Variants in TRIM41 observed in about 807,000 individuals in gnomAD.
TRIM41 encodes the protein tripartite motif containing 41, also known as E3 ubiquitin-protein ligase TRIM41.
TRIM41 carries 21 observed loss-of-function variants against 60.6 expected under a neutral mutation model. The observed-to-expected ratio is 0.35, with a 90% CI of 0.25 to 0.50. The LOEUF is 0.50. Ranked by LOEUF, TRIM41 falls within the 20% of genes least tolerant of loss-of-function variation. TRIM41 has a pLI of 0.98. For missense variants in TRIM41, 846 were observed against 868.3 expected, an observed-to-expected ratio of 0.97 and a Z score of 0.32; for synonymous variants, 407 against 344.9, an observed-to-expected ratio of 1.18 and a Z score of -2.00.
At position 181,224,116 on chromosome 5, in the gene TRIM41, C is replaced by T; in HGVS notation, c.117C>T (p.Phe39=). 5 of 1,614,250 alleles carry T rather than the reference C, an allele frequency of 3.1e-6. No homozygotes were observed. Among genetic ancestry groups the T allele is most frequent in the Non-Finnish European group, 4.2e-6 (5 of 1,180,042 alleles). Residue 39 remains phenylalanine, a synonymous_variant, in exon 1 of 6, where the codon TTC becomes TTT. Coordinates refer to ENST00000315073, the MANE Select transcript of TRIM41 (RefSeq NM_033549.5). The part of the protein sequence containing the change: ...DPVSIGCGHN[F]CRVCVTQLWG... ...TGTCCATCGGCTGCGGGCACAACTT[C>T]TGCCGAGTTTGTGTAACCCAGTTGT...
intron 1 of TRIM41, chr5:181,226,023 G>C (rs778525859): frequency 7.2e-5 from 11 of 151,990 alleles, no homozygotes; most frequent in Non-Finnish European, 1.6e-4. Context: ...ATGTGTCTAG[G>C]GTTTCTCAGC....
chr5:181,223,865 C>T lies in TRIM41; in HGVS notation c.-135C>T, dbSNP rs556059493. ...TTGGGGTGGGTTGTCGGCAGGACAT[C>T]TCTCTGGCTGCTCTTGGGGCGAGGT... On this transcript the variant is annotated 5_prime_UTR_variant, in exon 1 of 6. Transcript: ENST00000315073. 5,093 of 865,128 alleles carry T rather than the reference C, an allele frequency of 5.9e-3. 22 individuals carry two copies. The highest frequency in any genetic ancestry group is 7.6e-3 in the Non-Finnish European group (4,357 of 572,628). 53.6% of individuals were successfully genotyped at this position (865,128 alleles called of 1,614,324 possible).
Position 181,235,525 on chromosome 5 carries a change from C to T in TRIM41, c.*750C>T, listed in dbSNP as rs983723596. The T allele has an allele frequency of 1.6e-6, 2 of 1,251,134 alleles. No individual in the cohort carries two copies. Among genetic ancestry groups the T allele is most frequent in the Non-Finnish European group, 2.2e-6 (2 of 890,824 alleles). The allele number at this position is 1,251,134 out of a possible 1,614,324, so 77.5% of individuals were successfully genotyped here. On this transcript the variant is annotated 3_prime_UTR_variant, in exon 6 of 6. Coordinates refer to ENST00000315073, the MANE Select transcript of TRIM41 (RefSeq NM_033549.5). ...AAGCTCATCCCACCCCACACCCCTC[C>T]CAGGTCTGCTCACTGCCAGGCTCCT...
chr5:181,223,503 G>A lies in TRIM41; in HGVS notation c.-497G>A, dbSNP rs1428686575. 1.2e-5 allele frequency: 5 copies of A among 411,162 alleles called. No homozygotes were observed. The highest frequency in any genetic ancestry group is 1.7e-5 in the Non-Finnish European group (4 of 232,054). 25.5% of individuals were successfully genotyped at this position (411,162 alleles called of 1,614,324 possible). A position where few individuals can be genotyped will look rare whatever the true frequency, so the allele number is the denominator to read the frequency against. ...TACCACAGAGACGCGGGCCTCCACC[G>A]TCCTAGCCCTCCCGCCCTGTTCTCT... On this transcript the variant is annotated 5_prime_UTR_variant, in exon 1 of 6. Coordinates refer to ENST00000315073, the MANE Select transcript of TRIM41 (RefSeq NM_033549.5).
rs375620105 is a variant in TRIM41, at chr5:181,234,916, C to G, written c.*141C>G. The G allele has an allele frequency of 6.2e-7, 1 of 1,613,564 alleles. No individual in the cohort carries two copies. The highest frequency in any genetic ancestry group is 2.2e-5 in the East Asian group (1 of 44,872). Reference sequence around the variant, plus strand: ...CCCACTCCCCCTTGACCCCAGGCCCCTGCTTCTCCCTCTAGGAGCCTAAAG... The same window carrying G: ...CCCACTCCCCCTTGACCCCAGGCCCGTGCTTCTCCCTCTAGGAGCCTAAAG... On this transcript the variant is annotated 3_prime_UTR_variant, in exon 6 of 6. Transcript: ENST00000315073. The surrounding 1 kb of genome is among the most constrained non-coding windows in gnomAD (Gnocchi z 5.6).
In TRIM41 at chr5:181,233,532, A is replaced by G; in HGVS notation, c.1163+97A>G. The G allele has an allele frequency of 6.2e-7, 1 of 1,610,958 alleles. No individual in the cohort carries two copies. Among genetic ancestry groups the G allele is most frequent in the East Asian group, 2.2e-5 (1 of 44,850 alleles). ...CCTCTCCTCTCCTTCCTTCCCCAGG[A>G]CCTGAGTTTCCATCTCCTGGACCCT... On this transcript the variant is annotated intron_variant, in intron 4 of 5. Coordinates refer to ENST00000315073, the MANE Select transcript of TRIM41 (RefSeq NM_033549.5). The surrounding 1 kb of genome is among the most constrained non-coding windows in gnomAD (Gnocchi z 4.1).
At position 181,223,370 on chromosome 5, in the gene TRIM41, A is replaced by G; in HGVS notation, c.-630A>G. 1 of 400,386 alleles carries G rather than the reference A, an allele frequency of 2.5e-6. No homozygotes were observed. The highest frequency in any genetic ancestry group is 4.4e-6 in the Non-Finnish European group (1 of 227,292). 24.8% of individuals were successfully genotyped at this position (400,386 alleles called of 1,614,324 possible). A position where few individuals can be genotyped will look rare whatever the true frequency, so the allele number is the denominator to read the frequency against. On this transcript the variant is annotated 5_prime_UTR_variant, in exon 1 of 6. Coordinates refer to ENST00000315073, the MANE Select transcript of TRIM41 (RefSeq NM_033549.5). ...TCTGGCCGATGCGGTGATAGCACCGAAAGCAGACGGCCGCCAGGCGCTCCC... is the reference window on the plus strand; with the variant it reads ...TCTGGCCGATGCGGTGATAGCACCGGAAGCAGACGGCCGCCAGGCGCTCCC...
chr5:181,223,476 C>T lies in TRIM41; in HGVS notation c.-524C>T, dbSNP rs1758377359. ...GTTCTTTCTGCGTTCCCCGCGGCCT[C>T]TTACCACAGAGACGCGGGCCTCCAC... On this transcript the variant is annotated 5_prime_UTR_variant, in exon 1 of 6. Transcript: ENST00000315073. 1 of 402,388 alleles carries T rather than the reference C, an allele frequency of 2.5e-6. No homozygotes were observed. The highest frequency in any genetic ancestry group is 4.4e-6 in the Non-Finnish European group (1 of 228,124). The allele number at this position is 402,388 out of a possible 1,614,324, so 24.9% of individuals were successfully genotyped here. A position where few individuals can be genotyped will look rare whatever the true frequency, so the allele number is the denominator to read the frequency against.
At position 181,232,843 on chromosome 5, in the gene TRIM41, C is replaced by T. The variant is rs1175657648; in HGVS notation, c.1094C>T (p.Ala365Val). The change falls in exon 3 of 6, where the codon GCA (alanine) becomes GTA (valine). Residue 365 changes from alanine (A) to valine (V), a missense_variant. By Grantham distance (64) the Ala-to-Val change is moderately conservative. Transcript: ENST00000315073. ...EQAAQLSRLLAEAQERSQQGG... is the reference protein window; with the variant it reads ...EQAAQLSRLLVEAQERSQQGG... Reference sequence around the variant, plus strand: ...GCCGCCCAGCTCAGCCGCCTGCTGGCAGAGGCCCAGGAGCGGAGCCAGCAG... The same window carrying T: ...GCCGCCCAGCTCAGCCGCCTGCTGGTAGAGGCCCAGGAGCGGAGCCAGCAG... 3 of 1,559,414 alleles carry T rather than the reference C, an allele frequency of 1.9e-6. No individual in the cohort carries two copies. In the South Asian group the frequency reaches 3.5e-5, roughly 18 times the overall value.
Position 181,224,086 on chromosome 5 carries a change from C to T in TRIM41, c.87C>T (p.Asp29=), listed in dbSNP as rs781626841. The T allele has an allele frequency of 5.8e-5, 93 of 1,614,134 alleles. No homozygotes were observed. Among genetic ancestry groups the T allele is most frequent in the South Asian group, 2.2e-5 (2 of 91,094 alleles). ...VCAICLDYFT[D]PVSIGCGHNF... ...CCATCTGCCTCGATTACTTCACGGA[C>T]CCCGTGTCCATCGGCTGCGGGCACA... Residue 29 remains aspartate, a synonymous_variant, in exon 1 of 6, where the codon GAC becomes GAT. Transcript: ENST00000315073.
rs975846338 is a variant in TRIM41 at position 181,223,993 on chromosome 5, C to T, written c.-7C>T. 3 of 1,607,530 alleles carry T rather than the reference C, an allele frequency of 1.9e-6. No individual in the cohort carries two copies. The highest frequency in any genetic ancestry group is 2.6e-6 in the Non-Finnish European group (3 of 1,175,832). ...CGAACCTCTACACTGGCTGGCTGGA[C>T]ACTAAGATGGCTGCCGTTGCCATGA... On this transcript the variant is annotated 5_prime_UTR_variant, in exon 1 of 6. Transcript: ENST00000315073.
Position 181,234,888 on chromosome 5 carries a change from C to CT in TRIM41, c.*115dup. The CT allele has an allele frequency of 8.1e-6, 13 of 1,611,968 alleles. No individual in the cohort carries two copies. Among genetic ancestry groups the CT allele is most frequent in the Non-Finnish European group, 1.1e-5 (13 of 1,179,786 alleles). ...CTTCCCACTGCTTGTTACTGTGTTG[C>CT]TTCCCACTCCCCCTTGACCCCAGGC... On this transcript the variant is annotated 3_prime_UTR_variant, in exon 6 of 6. Transcript: ENST00000315073. This position sits in a 1 kb window ranked among gnomAD's most constrained non-coding sequence, Gnocchi z 5.6.
At position 181,234,934 on chromosome 5, in the gene TRIM41, G is replaced by T; in HGVS notation, c.*159G>T. On this transcript the variant is annotated 3_prime_UTR_variant, in exon 6 of 6. Coordinates refer to ENST00000315073, the MANE Select transcript of TRIM41 (RefSeq NM_033549.5). This position sits in a 1 kb window ranked among gnomAD's most constrained non-coding sequence, Gnocchi z 5.6. Reference sequence around the variant, plus strand: ...CAGGCCCCTGCTTCTCCCTCTAGGAGCCTAAAGAACCCTCCTGGCCTCCAG... The same window carrying T: ...CAGGCCCCTGCTTCTCCCTCTAGGATCCTAAAGAACCCTCCTGGCCTCCAG... The T allele has an allele frequency of 6.2e-7, 1 of 1,613,774 alleles. No homozygotes were observed. Among genetic ancestry groups the T allele is most frequent in the Non-Finnish European group, 8.5e-7 (1 of 1,179,970 alleles).
chr5:181,235,178 G>A lies in TRIM41; in HGVS notation c.*403G>A. On this transcript the variant is annotated 3_prime_UTR_variant, in exon 6 of 6. Coordinates refer to ENST00000315073, the MANE Select transcript of TRIM41 (RefSeq NM_033549.5). ...TCAGTTCTGAGGCTGGAGGGTTTGG[G>A]CAAGGCAACATCCCCATTCCAATTC... is the stretch of plus-strand genomic sequence containing the variant. 6.5e-7 allele frequency: 1 copy of A among 1,536,310 alleles called. No individual in the cohort carries two copies. Among genetic ancestry groups the A allele is most frequent in the Non-Finnish European group, 8.8e-7 (1 of 1,138,844 alleles).
rs778657238 is a variant in TRIM41, at chr5:181,234,998, C to T, written c.*223C>T. The stretch of plus-strand genomic sequence containing the variant: ...CACCTACTATGTCTGTCCAACAGGT[C>T]TGCATGGGTCCCTGATAATGAGAAC... On this transcript the variant is annotated 3_prime_UTR_variant, in exon 6 of 6. Coordinates refer to ENST00000315073, the MANE Select transcript of TRIM41 (RefSeq NM_033549.5). The surrounding 1 kb of genome is among the most constrained non-coding windows in gnomAD (Gnocchi z 5.6). 6.2e-7 allele frequency: 1 copy of T among 1,614,122 alleles called. No individual in the cohort carries two copies. Among genetic ancestry groups the T allele is most frequent in the Non-Finnish European group, 8.5e-7 (1 of 1,180,026 alleles).
chr5:181,224,543 A>G lies in TRIM41; in HGVS notation c.544A>G (p.Thr182Ala), dbSNP rs754004640. 4 of 1,613,086 alleles carry G rather than the reference A, an allele frequency of 2.5e-6. No individual in the cohort carries two copies. In the East Asian group the frequency reaches 8.9e-5, roughly 36 times the overall value. Residue 182 changes from threonine (T) to alanine (A), a missense_variant, in exon 1 of 6, where the codon ACA becomes GCA. Coordinates refer to ENST00000315073, the MANE Select transcript of TRIM41 (RefSeq NM_033549.5). ...PPPPAPRRCF[T>A]CPQCRKSFPR... ...GCCTCCAGCCCCTCGGAGGTGCTTC[A>G]CATGCCCTCAGTGCCGAAAGAGCTT...
rs190143730 is a variant in TRIM41 at position 181,235,415 on chromosome 5, G to A, written c.*640G>A. On this transcript the variant is annotated 3_prime_UTR_variant, in exon 6 of 6. Transcript: ENST00000315073. ...GAATGGTCGCCATGATTGAAACCACGCACCATTACATCATCATTACATTAA... is the reference window on the plus strand; with the variant it reads ...GAATGGTCGCCATGATTGAAACCACACACCATTACATCATCATTACATTAA... 689 of 1,613,946 alleles carry A rather than the reference G, an allele frequency of 4.3e-4. 1 individual carries two copies. The highest frequency in any genetic ancestry group is 2.6e-3 in the Admixed American group (154 of 60,004).
intron 1 of TRIM41, chr5:181,230,184 C>T (rs1250117781): frequency 6.6e-6 from 1 of 152,430 alleles, no homozygotes; most frequent in Non-Finnish European, 1.5e-5. Flanking sequence ...TCTTGAGGCT[C>T]CTACCTTTAG....
chr5:181,235,608 C>G lies in TRIM41; in HGVS notation c.*833C>G, dbSNP rs1759076859. On this transcript the variant is annotated 3_prime_UTR_variant, in exon 6 of 6. Transcript: ENST00000315073. Reference sequence around the variant, plus strand: ...CCAGCCCCTTTCCATGCCTTTCACTCCATTTGGCAAGCTCTGAGGGGGAGC... The same window carrying G: ...CCAGCCCCTTTCCATGCCTTTCACTGCATTTGGCAAGCTCTGAGGGGGAGC... 3.1e-6 allele frequency: 2 copies of G among 635,694 alleles called. No individual in the cohort carries two copies. The highest frequency in any genetic ancestry group is 5.4e-6 in the Non-Finnish European group (2 of 372,580). 39.4% of individuals were successfully genotyped at this position (635,694 alleles called of 1,614,324 possible). A position where few individuals can be genotyped will look rare whatever the true frequency, so the allele number is the denominator to read the frequency against.
Sources: gnomAD v4.1 joint callset for allele counts on GRCh38, gnomAD v4.1.1 for gene constraint, Gnocchi (gnomAD v3.1) non-coding constraint, MANE v1.5 for transcripts, NCBI Gene and HGNC (gene_info 2026-07-23, HGNC 2026-07-21) for gene names.